CHD6: variants seen among roughly 807,000 people sequenced by gnomAD.
The protein encoded by CHD6 is chromodomain helicase DNA binding protein 6.
CHD6 carries 50 observed loss-of-function variants against 276.9 expected under a neutral mutation model. That is an observed-to-expected ratio of 0.18 (90% CI 0.14 to 0.23). The LOEUF is 0.23. Among genes scored for constraint, CHD6 ranks in the 10% least tolerant of loss-of-function variants. CHD6 has a pLI of 1.00. For synonymous variants in CHD6, 1,173 were observed against 1,229.3 expected (o/e 0.95, Z 0.96); for missense variants, 2,564 against 3,365.8 (o/e 0.76, Z 5.89).
At chr20:41,475,996 C>A (rs534470082) in intron 16 of CHD6, among the ~76,000 whole-genome samples, 12 of 152,114 alleles carry the variant, frequency 7.9e-5, no homozygotes, top group Admixed American at 2.6e-4. Flanking sequence ...TCAAAGAACA[C>A]AAAACTTAAA....
rs2045468563 is a variant in CHD6 at position 41,575,813 on chromosome 20, T to C, written c.-23-24453A>G. On this transcript the variant is annotated intron_variant, in intron 1 of 36. Coordinates refer to ENST00000373233, the MANE Select transcript of CHD6 (RefSeq NM_032221.5). ...CAACATGAGAAGATATACAGGACAGTCATTAATGAAACTAAAGAATCAACT... is the reference window on the plus strand; with the variant it reads ...CAACATGAGAAGATATACAGGACAGCCATTAATGAAACTAAAGAATCAACT... Among the ~76,000 whole-genome samples the C allele has an allele frequency of 2.0e-5, 3 of 152,184 alleles. No homozygotes were observed. In the South Asian group the frequency reaches 6.2e-4, roughly 31 times the overall value.
Position 41,506,866 on chromosome 20 carries a change from A to G in CHD6, c.852+5980T>C, listed in dbSNP as rs1041460550. Among the ~76,000 whole-genome samples the G allele has an allele frequency of 2.6e-5, 4 of 152,354 alleles. No individual in the cohort carries two copies. In the East Asian group the frequency reaches 7.7e-4, roughly 29 times the overall value. ...AGTCCTTGGCATATAGTAGGTGCTC[A>G]ATAAATACTTCTGAATAAATAATGT... is the stretch of plus-strand genomic sequence containing the variant. On this transcript the variant is annotated intron_variant, in intron 5 of 36. Coordinates refer to ENST00000373233, the MANE Select transcript of CHD6 (RefSeq NM_032221.5).
At position 41,582,833 on chromosome 20, in the gene CHD6, T is replaced by C. The variant is rs191822550; in HGVS notation, c.-23-31473A>G. On this transcript the variant is annotated intron_variant, in intron 1 of 36. Coordinates refer to ENST00000373233, the MANE Select transcript of CHD6 (RefSeq NM_032221.5). ...GAAATGGTATAATTTTTTTAAGTCA[T>C]CAGAGATTTAAAAGTTCCTTTGATG... Among the ~76,000 whole-genome samples the C allele has an allele frequency of 1.3e-4, 20 of 152,298 alleles. No individual in the cohort carries two copies. The East Asian group carries it at 3.9e-3, about 29-fold the overall frequency.
intron 25 of CHD6, among the ~76,000 whole-genome samples, chr20:41,441,645 C>T (rs2145606030): frequency 6.6e-6 from 1 of 152,300 alleles, no homozygotes; most frequent in African/African-American, 2.4e-5. Flanking sequence ...TTTCTCTTGT[C>T]ATGTGTGGAT....
At chr20:41,502,443 G>A (rs901646283) in intron 5 of CHD6, among the ~76,000 whole-genome samples, 5 of 152,212 alleles carry the variant, frequency 3.3e-5, no homozygotes, top group Admixed American at 1.3e-4. Flanking sequence ...ATAGGCACAT[G>A]TGGCTGATAG....
At chr20:41,500,724 C>T (rs527782411) in intron 5 of CHD6, among the ~76,000 whole-genome samples, 16 of 152,086 alleles carry the variant, frequency 1.1e-4, no homozygotes, top group Non-Finnish European at 1.6e-4. Context: ...ACTACATAAA[C>T]CTTCAGAGGG....
At position 41,412,089 on chromosome 20, in the gene CHD6, C is replaced by A. The variant is rs1204355559; in HGVS notation, c.7251+55G>T. Reference sequence around the variant, plus strand: ...GGCTTTCTCTCAAGTATGTAAGGCACGGCTCAACCAGGATGCTCCTCCTGG... The same window carrying A: ...GGCTTTCTCTCAAGTATGTAAGGCAAGGCTCAACCAGGATGCTCCTCCTGG... On this transcript the variant is annotated intron_variant, in intron 36 of 36. Transcript: ENST00000373233. The A allele has an allele frequency of 1.1e-5, 17 of 1,602,578 alleles. No homozygotes were observed. The South Asian group carries it at 1.7e-4, about 16-fold the overall frequency.
chr20:41,615,569 C>T (rs932054961), intron 1 of CHD6, among the ~76,000 whole-genome samples: 4 of 152,162 alleles, frequency 2.6e-5, no homozygotes, highest in African/African-American at 7.2e-5. Context: ...CTATTTCAAG[C>T]CTTCTTATAC....
At chr20:41,530,309 C>A (rs1042956980) in intron 3 of CHD6, among the ~76,000 whole-genome samples, 24 of 152,224 alleles carry the variant, frequency 1.6e-4, no homozygotes, top group Non-Finnish European at 3.4e-4. Flanking sequence ...AAGGGGCCAA[C>A]AGCAGGGCTT....
intron 8 of CHD6, among the ~76,000 whole-genome samples, chr20:41,495,389 T>C (rs1350387480): frequency 1.3e-5 from 2 of 152,206 alleles, no homozygotes; most frequent in African/African-American, 4.8e-5. Context: ...ATCTCACTTA[T>C]ATGTGGAATA....
rs979720217 is a variant in CHD6, at chr20:41,513,135, C to A, written c.703-140G>T. The A allele has an allele frequency of 3.2e-6, 3 of 923,810 alleles. No individual in the cohort carries two copies. The African/African-American group carries it at 5.0e-5, about 15-fold the overall frequency. 57.2% of individuals were successfully genotyped at this position (923,810 alleles called of 1,614,324 possible). A position where few individuals can be genotyped will look rare whatever the true frequency, so the allele number is the denominator to read the frequency against. On this transcript the variant is annotated intron_variant, in intron 4 of 36. Coordinates refer to ENST00000373233, the MANE Select transcript of CHD6 (RefSeq NM_032221.5). ...AAAGAAATCTTTCTTAAATACAACT[C>A]TTTTAATAAAAGGACTAAATTCAGT...
chr20:41,593,207 G>C (rs978455674), intron 1 of CHD6, among the ~76,000 whole-genome samples: 1 of 150,950 alleles, frequency 6.6e-6, no homozygotes, highest in African/African-American at 2.4e-5. Context: ...CAAAAAGGGG[G>C]GGGGGGGTTA....
intron 16 of CHD6, among the ~76,000 whole-genome samples, chr20:41,480,622 T>A (rs990094444): frequency 6.6e-6 from 1 of 152,084 alleles, no homozygotes; most frequent in African/African-American, 2.4e-5. Flanking sequence ...GGCTAAACAT[T>A]CATCTTCCAC....
chr20:41,617,900 G>C (rs1004626160), intron 1 of CHD6, among the ~76,000 whole-genome samples: 8 of 147,602 alleles, frequency 5.4e-5, no homozygotes, highest in Non-Finnish European at 9.1e-5. Context: ...GGTCACCCCC[G>C]CCCCGCCCCA....
intron 1 of CHD6, among the ~76,000 whole-genome samples, chr20:41,562,414 G>A (rs1478710170): frequency 6.6e-6 from 1 of 151,968 alleles, no homozygotes; most frequent in African/African-American, 2.4e-5. Context: ...CAGTTTTAAG[G>A]ATTTCTCATA....
chr20:41,417,719 G>T (rs1018543056), intron 31 of CHD6, among the ~76,000 whole-genome samples: 1 of 152,222 alleles, frequency 6.6e-6, no homozygotes, highest in African/African-American at 2.4e-5. Flanking sequence ...AACACTTTGA[G>T]ATCTTTGAAG....
At chr20:41,411,839 T>C (rs571025622) in intron 36 of CHD6, among the ~76,000 whole-genome samples, 1 of 152,350 alleles carries the variant, frequency 6.6e-6, no homozygotes, top group South Asian at 2.1e-4. Flanking sequence ...AGGTTAAAAT[T>C]TCTTTCCCCT....
intron 17 of CHD6, among the ~76,000 whole-genome samples, chr20:41,471,522 T>A (rs139027993): frequency 6.8e-6 from 1 of 147,502 alleles, no homozygotes; most frequent in Non-Finnish European, 1.5e-5. Flanking sequence ...TTATGATGTA[T>A]ACCATGAAAT....
intron 7 of CHD6, chr20:41,497,707 T>C: frequency 1.8e-6 from 1 of 565,054 alleles, no homozygotes; most frequent in South Asian, 2.0e-5. Context: ...AAGCAACTGA[T>C]CTCTCTGCAG....
Sources: gnomAD v4.1 joint callset for allele counts (sites outside exome capture counted in the v4.1 genomes callset) on GRCh38, gnomAD v4.1.1 for gene constraint, MANE v1.5 for transcripts, NCBI Gene and HGNC (gene_info 2026-07-23, HGNC 2026-07-21) for gene names.